Variants in MYO5A observed in about 807,000 individuals in gnomAD.
MYO5A encodes unconventional myosin-Va.
A neutral mutation model predicts 249.7 loss-of-function variants in MYO5A; 98 were observed. The ratio of observed to expected loss-of-function variants is 0.39; its 90% CI spans 0.33 to 0.46. The LOEUF is 0.46. MYO5A is among the 20% of genes least tolerant of loss of function. MYO5A has a pLI of 0.98. For synonymous variants in MYO5A, 778 were observed against 810.6 expected (o/e 0.96, Z 0.68); for missense variants, 1,696 against 2,308.8 (o/e 0.73, Z 5.44).
In MYO5A at chr15:52,468,115, T is replaced by C. The variant is rs1332600611; in HGVS notation, c.28-34830A>G. On this transcript the variant is annotated intron_variant, in intron 1 of 41. Coordinates refer to ENST00000399233, the MANE Select transcript of MYO5A (RefSeq NM_001382347.1). ...CTGTAATCCCAGCACTTTGAGAAGC[T>C]GAGGCATGAGGATTGCTTGAGCCTA... 3.9e-5 allele frequency among the ~76,000 whole-genome samples: 6 copies of C among 152,138 alleles called. No individual in the cohort carries two copies. The East Asian group carries it at 1.2e-3, about 29-fold the overall frequency.
At chr15:52,418,908 C>T (rs749970636) in intron 4 of MYO5A, among the ~76,000 whole-genome samples, 1 of 152,074 alleles carries the variant, frequency 6.6e-6, no homozygotes, top group Non-Finnish European at 1.5e-5. Context: ...ATTTTCCTTT[C>T]GAATTTTACC....
At chr15:52,456,289 A>C (rs138017427) in intron 1 of MYO5A, among the ~76,000 whole-genome samples, 1 of 152,282 alleles carries the variant, frequency 6.6e-6, no homozygotes, top group Non-Finnish European at 1.5e-5. Context: ...AAAACTATAA[A>C]AACACTGATG....
intron 18 of MYO5A, among the ~76,000 whole-genome samples, chr15:52,377,415 C>T (rs889501469): frequency 1.5e-4 from 23 of 150,150 alleles, no homozygotes; most frequent in African/African-American, 4.9e-4. Context: ...AGCAAGAATC[C>T]GTCTCAAAAA....
chr15:52,489,314 C>T (rs940483653), intron 1 of MYO5A, among the ~76,000 whole-genome samples: 8 of 152,178 alleles, frequency 5.3e-5, no homozygotes, highest in Non-Finnish European at 1.2e-4. Context: ...CCTGTAATCC[C>T]AGCACTTTGG....
intron 9 of MYO5A, among the ~76,000 whole-genome samples, chr15:52,399,761 A>G (rs1410202896): frequency 2.6e-5 from 4 of 152,070 alleles, no homozygotes; most frequent in Non-Finnish European, 5.9e-5. Flanking sequence ...GTATGAATGA[A>G]TCCATCACTT....
chr15:52,505,640 A>T, intron 1 of MYO5A: 1 of 1,314,238 alleles, frequency 7.6e-7, no homozygotes, highest in Non-Finnish European at 1.1e-6. Flanking sequence ...TCTTGGGATG[A>T]TGAGACAGAT....
intron 1 of MYO5A, among the ~76,000 whole-genome samples, chr15:52,500,594 C>T (rs1034816895): frequency 4.6e-5 from 7 of 152,056 alleles, no homozygotes; most frequent in African/African-American, 1.4e-4. Flanking sequence ...GTGATCCGCC[C>T]GCCTCGGCCT....
chr15:52,468,409 G>C (rs2076393309), intron 1 of MYO5A, among the ~76,000 whole-genome samples: 1 of 152,228 alleles, frequency 6.6e-6, no homozygotes. Context: ...TATAATCCCA[G>C]CATTTTGAGA....
At chr15:52,411,074 T>C (rs1294718800) in intron 5 of MYO5A, among the ~76,000 whole-genome samples, 1 of 152,210 alleles carries the variant, frequency 6.6e-6, no homozygotes, top group East Asian at 1.9e-4. Context: ...TATCTGAACA[T>C]TCATGCCAGC....
rs1595577802 is a variant in MYO5A at position 52,389,422 on chromosome 15, G to A, written c.1543-59C>T. The A allele has an allele frequency of 3.3e-6, 5 of 1,512,408 alleles. No homozygotes were observed. The East Asian group carries it at 1.1e-4, about 34-fold the overall frequency. The allele number at this position is 1,512,408 out of a possible 1,614,324, so 93.7% of individuals were successfully genotyped here. On this transcript the variant is annotated intron_variant, in intron 12 of 41. Coordinates refer to ENST00000399233, the MANE Select transcript of MYO5A (RefSeq NM_001382347.1). ...AGGTAAATACTGTGATTCCTCTAAA[G>A]CATCAGCTGTCAAAAGATCTTTTAT...
In MYO5A at chr15:52,343,200, T is replaced by G. The variant is rs1274105577; in HGVS notation, c.3960-3A>C. On this transcript the variant is annotated splice_region_variant and splice_polypyrimidine_tract_variant and intron_variant, in intron 30 of 41. Coordinates refer to ENST00000399233, the MANE Select transcript of MYO5A (RefSeq NM_001382347.1). ...CATGGTAATCCAGAGCAGATGATCTTCCATGCAAAAGGAACAACAATGCAA... is the reference window on the plus strand; with the variant it reads ...CATGGTAATCCAGAGCAGATGATCTGCCATGCAAAAGGAACAACAATGCAA... 1 of 1,612,838 alleles carries G rather than the reference T, an allele frequency of 6.2e-7. No individual in the cohort carries two copies. The highest frequency in any genetic ancestry group is 1.1e-5 in the South Asian group (1 of 91,064).
At position 52,353,876 on chromosome 15, in the gene MYO5A, C is replaced by T. The variant is rs1332131182; in HGVS notation, c.3562G>A (p.Ala1188Thr). Residue 1188 changes from alanine to threonine, a missense_variant, in exon 26 of 42, where the codon GCC becomes ACC. Coordinates refer to ENST00000399233, the MANE Select transcript of MYO5A (RefSeq NM_001382347.1). ...GGATGGGCTGTGCTGCGCACCTTGG[C>T]CTTGCTGCGGAGCACCTGCTCCTCC... The part of the protein sequence containing the change: ...RKEEQVLRSK[A>T]KEEERPQIRG... The T allele has an allele frequency of 6.2e-7, 1 of 1,613,918 alleles. No individual in the cohort carries two copies. The highest frequency in any genetic ancestry group is 1.7e-5 in the Admixed American group (1 of 60,026).
chr15:52,430,403 T>C (rs1424770412), intron 2 of MYO5A, among the ~76,000 whole-genome samples: 1 of 152,162 alleles, frequency 6.6e-6, no homozygotes, highest in East Asian at 1.9e-4. Flanking sequence ...GTAGAGAAGA[T>C]CTGTAACATC....
chr15:52,452,082 C>A (rs554833614), intron 1 of MYO5A, among the ~76,000 whole-genome samples: 13 of 152,244 alleles, frequency 8.5e-5, no homozygotes, highest in Admixed American at 7.8e-4. Flanking sequence ...TAGGCAGATT[C>A]TTCTCCAAAA....
At chr15:52,433,372 A>G (rs534475101) in intron 1 of MYO5A, 87 bp from the exon 2 acceptor site, 2 of 736,150 alleles carry the variant, frequency 2.7e-6, no homozygotes, top group Admixed American at 5.3e-5. Context: ...TTATAATTAA[A>G]CAATTTATGA....
intron 38 of MYO5A, among the ~76,000 whole-genome samples, chr15:52,320,002 C>T (rs2038223972): frequency 6.6e-6 from 1 of 152,086 alleles, no homozygotes; most frequent in Non-Finnish European, 1.5e-5. Context: ...GTTATCTGAG[C>T]CCCAGAGGCA....
rs571262876 is a variant in MYO5A at position 52,353,601 on chromosome 15, T to C, written c.3621+4A>G. The C allele has an allele frequency of 6.2e-7, 1 of 1,613,524 alleles. No individual in the cohort carries two copies. Among genetic ancestry groups the C allele is most frequent in the Non-Finnish European group, 8.5e-7 (1 of 1,179,400 alleles). Reference sequence around the variant, plus strand: ...CAAAGTCTTGAGCAGAAACTCCCCATTACCTTGAGTGACTCATATTCCAGT... The same window carrying C: ...CAAAGTCTTGAGCAGAAACTCCCCACTACCTTGAGTGACTCATATTCCAGT... On this transcript the variant is annotated splice_donor_region_variant and intron_variant, in intron 27 of 41. Coordinates refer to ENST00000399233, the MANE Select transcript of MYO5A (RefSeq NM_001382347.1).
At chr15:52,427,335 T>C (rs532640607) in intron 3 of MYO5A, among the ~76,000 whole-genome samples, 7 of 151,996 alleles carry the variant, frequency 4.6e-5, no homozygotes, top group South Asian at 2.1e-4. Context: ...TAAACTCTAG[T>C]GGGAAATTCA....
chr15:52,362,651 A>G (rs1395483637), intron 24 of MYO5A, among the ~76,000 whole-genome samples: 1 of 152,202 alleles, frequency 6.6e-6, no homozygotes, highest in East Asian at 1.9e-4. Context: ...TCACAGGCAT[A>G]CAATGGAGAG....
Sources: allele counts gnomAD v4.1 joint callset (sites outside exome capture counted in the v4.1 genomes callset), GRCh38; gene constraint gnomAD v4.1.1; transcripts MANE v1.5; gene names NCBI Gene and HGNC (gene_info 2026-07-23, HGNC 2026-07-21).